TSHZ2: variants seen among roughly 807,000 people sequenced by gnomAD.
TSHZ2 encodes the protein teashirt homolog 2.
TSHZ2 carries 21 observed loss-of-function variants against 74.4 expected under a neutral mutation model. The observed-to-expected ratio is 0.28, with a 90% CI of 0.20 to 0.41. The LOEUF is 0.41. TSHZ2 is among the 10% of genes least tolerant of loss of function. The pLI is 1.00. For missense variants in TSHZ2, 1,244 were observed against 1,293.5 expected, an observed-to-expected ratio of 0.96 and a Z score of 0.59; for synonymous variants, 540 against 515.3, an observed-to-expected ratio of 1.05 and a Z score of -0.65.
At chr20:53,250,609 T>C (rs765822568) in intron 1 of TSHZ2, among the ~76,000 whole-genome samples, 4 of 152,188 alleles carry the variant, frequency 2.6e-5, no homozygotes, top group African/African-American at 7.2e-5. Flanking sequence ...TGAGATTTAG[T>C]CGGCTCTGCA....
intron 2 of TSHZ2, among the ~76,000 whole-genome samples, chr20:53,321,695 AAAAAAG>A (rs1979273701): frequency 6.7e-6 from 1 of 149,720 alleles, no homozygotes; most frequent in Admixed American, 6.7e-5. Flanking sequence ...AAAAAAAAAA[AAAAAAG>A]AAAGACATTC....
At chr20:53,470,698 C>T (rs917946670) in intron 2 of TSHZ2, among the ~76,000 whole-genome samples, 1 of 152,060 alleles carries the variant, frequency 6.6e-6, no homozygotes, top group Non-Finnish European at 1.5e-5. Flanking sequence ...CCTGTAACCC[C>T]AGCCACTCAG....
chr20:53,366,592 T>C (rs945439415), intron 2 of TSHZ2, among the ~76,000 whole-genome samples: 1 of 152,058 alleles, frequency 6.6e-6, no homozygotes, highest in Non-Finnish European at 1.5e-5. Context: ...CAACGCAGAG[T>C]GCAAGAGGCT....
At chr20:53,046,821 T>C (rs1984245861) in intron 1 of TSHZ2, among the ~76,000 whole-genome samples, 2 of 152,084 alleles carry the variant, frequency 1.3e-5, no homozygotes, top group Non-Finnish European at 2.9e-5. Flanking sequence ...TAACCTGTGG[T>C]GTTGGGAAGG....
At chr20:53,257,894 T>C (rs996960277) in intron 2 of TSHZ2, among the ~76,000 whole-genome samples, 8 of 152,226 alleles carry the variant, frequency 5.3e-5, no homozygotes, top group African/African-American at 1.9e-4. Context: ...AATAGAAGAC[T>C]TTCAGAACAA....
intron 2 of TSHZ2, among the ~76,000 whole-genome samples, chr20:53,467,052 T>G (rs1209241853): frequency 6.6e-6 from 1 of 152,168 alleles, no homozygotes; most frequent in Non-Finnish European, 1.5e-5. Context: ...CTCTCTCTTC[T>G]CATCAACAAA....
At chr20:53,089,320 CT>C (rs5841928) in intron 1 of TSHZ2, among the ~76,000 whole-genome samples, 27,063 of 99,998 alleles carry the variant, frequency 0.27, 2,272 homozygotes, top group Non-Finnish European at 0.36. Flanking sequence ...ATGGGATTTT[CT>C]TTTTTTTTTT....
intron 1 of TSHZ2, among the ~76,000 whole-genome samples, chr20:53,090,416 G>C (rs6013626): frequency 6.6e-6 from 1 of 152,206 alleles, no homozygotes; most frequent in Non-Finnish European, 1.5e-5. Context: ...ATTCTGACTG[G>C]GGTTGAGAAT....
At chr20:53,342,182 AT>A (rs1415269109) in intron 2 of TSHZ2, among the ~76,000 whole-genome samples, 1 of 151,888 alleles carries the variant, frequency 6.6e-6, no homozygotes, top group African/African-American at 2.4e-5. Flanking sequence ...CTCTATTCAG[AT>A]TTCCTTAGTG....
At chr20:53,396,179 C>T (rs916359373) in intron 2 of TSHZ2, among the ~76,000 whole-genome samples, 1 of 152,212 alleles carries the variant, frequency 6.6e-6, no homozygotes, top group Non-Finnish European at 1.5e-5. Context: ...CCTCGTGATC[C>T]ACCCGCCTTG....
At chr20:53,451,615 T>C (rs1356774247) in intron 2 of TSHZ2, among the ~76,000 whole-genome samples, 1 of 152,204 alleles carries the variant, frequency 6.6e-6, no homozygotes, top group African/African-American at 2.4e-5. Context: ...AAAACTCTTC[T>C]TATAGAAGCC....
chr20:53,120,385 A>G (rs1986777009), intron 1 of TSHZ2, among the ~76,000 whole-genome samples: 2 of 152,184 alleles, frequency 1.3e-5, no homozygotes, highest in Admixed American at 1.3e-4. Flanking sequence ...TTTTTGTCAG[A>G]GTTTATTGCA....
At chr20:53,124,994 T>C (rs1185335612) in intron 1 of TSHZ2, among the ~76,000 whole-genome samples, 1 of 152,248 alleles carries the variant, frequency 6.6e-6, no homozygotes, top group African/African-American at 2.4e-5. Flanking sequence ...GGTGTGGCTC[T>C]GTGCCAATAA....
chr20:53,181,283 C>T (rs1452218581), intron 1 of TSHZ2, among the ~76,000 whole-genome samples: 1 of 152,194 alleles, frequency 6.6e-6, no homozygotes, highest in East Asian at 1.9e-4. Context: ...ACAATAGACT[C>T]CGCAGGGAAA....
At chr20:53,133,929 T>C (rs569745311) in intron 1 of TSHZ2, among the ~76,000 whole-genome samples, 2 of 148,538 alleles carry the variant, frequency 1.3e-5, no homozygotes, top group Admixed American at 6.9e-5. Context: ...ATAAAAATGT[T>C]GTCCTTGCAT....
rs1986415294 is a variant in TSHZ2, at chr20:53,490,391, G to C, written c.*3256G>C. On this transcript the variant is annotated 3_prime_UTR_variant, in exon 3 of 3. Transcript: ENST00000371497. ...CAGCAAACACTTCACACAACAGCCT[G>C]GCCTTCCTGTGTTTTACAACAGCTC... 6.6e-6 allele frequency: 1 copy of C among 152,212 alleles called. No homozygotes were observed. The highest frequency in any genetic ancestry group is 1.5e-5 in the Non-Finnish European group (1 of 68,042). 9.4% of individuals were successfully genotyped at this position (152,212 alleles called of 1,614,324 possible).
At position 53,466,491 on chromosome 20, in the gene TSHZ2, T is replaced by C. The variant is rs115075315; in HGVS notation, c.*9-20653T>C. On this transcript the variant is annotated intron_variant, in intron 2 of 2. Coordinates refer to ENST00000371497, the MANE Select transcript of TSHZ2 (RefSeq NM_173485.6). ...GAAGATGGGTTCACTGTGAATCATG[T>C]TGTTGGCGGTTTGGACTTTAAGCTG... Among the ~76,000 whole-genome samples, 762 of 152,254 alleles carry C rather than the reference T, an allele frequency of 5.0e-3. 7 individuals are homozygous for C. The highest frequency in any genetic ancestry group is 0.017 in the African/African-American group (717 of 41,542).
At chr20:53,296,816 A>G (rs1004869339) in intron 2 of TSHZ2, among the ~76,000 whole-genome samples, 3 of 152,202 alleles carry the variant, frequency 2.0e-5, no homozygotes, top group Non-Finnish European at 2.9e-5. Flanking sequence ...AATTTTCCCC[A>G]AGCAAAGAGA....
chr20:53,144,946 C>T (rs1036839944), intron 1 of TSHZ2, among the ~76,000 whole-genome samples: 6 of 151,890 alleles, frequency 4.0e-5, no homozygotes, highest in Non-Finnish European at 5.9e-5. Flanking sequence ...TATAATAATT[C>T]ACACCAACAA....
Sources: allele counts gnomAD v4.1 joint callset (sites outside exome capture counted in the v4.1 genomes callset), GRCh38; gene constraint gnomAD v4.1.1; transcripts MANE v1.5; gene names NCBI Gene and HGNC (gene_info 2026-07-23, HGNC 2026-07-21).